The following MIDN variants were observed in gnomAD, a reference collection of about 807,000 sequenced individuals.
MIDN encodes midnolin, also known as midbrain nucleolar protein.
In MIDN, 26 loss-of-function variants were observed where a neutral mutation model predicts 46.1. The observed-to-expected ratio is 0.56, with a 90% CI of 0.41 to 0.78. MIDN has a LOEUF of 0.78. MIDN is among the 30% of genes least tolerant of loss of function. The pLI is 0.00. For missense variants in MIDN, 850 were observed against 771.8 expected, an observed-to-expected ratio of 1.10 and a Z score of -1.20; for synonymous variants, 432 against 343.3, an observed-to-expected ratio of 1.26 and a Z score of -2.86.
chr19:1,252,019 G>A (rs981437549), intron 4 of MIDN, 118 bp downstream of exon 4: 2 of 810,168 alleles, frequency 2.5e-6, no homozygotes, highest in Non-Finnish European at 4.0e-6. Context: ...GAGGGGACGC[G>A]CCACCCCGCC....
rs1392046200 is a variant in MIDN at position 1,248,649 on chromosome 19, CG to C, written c.-417del. The C allele has an allele frequency of 6.6e-6, 1 of 152,468 alleles. No individual in the cohort carries two copies. The highest frequency in any genetic ancestry group is 1.5e-5 in the Non-Finnish European group (1 of 68,264). The allele number at this position is 152,468 out of a possible 1,614,324, so 9.4% of individuals were successfully genotyped here. A position where few individuals can be genotyped will look rare whatever the true frequency, so the allele number is the denominator to read the frequency against. On this transcript the variant is annotated 5_prime_UTR_variant, in exon 1 of 9. Transcript: ENST00000682408. ...ACTCGCAGCACTTGGAGCGCAGAAC[CG>C]GCCGCGCCCGGTGAGTGTGGAGGGG...
chr19:1,252,889 AGCCAGG>A (rs760808762), intron 4 of MIDN, among the ~76,000 whole-genome samples: 1 of 151,544 alleles, frequency 6.6e-6, no homozygotes, highest in Non-Finnish European at 1.5e-5. Context: ...CGGGGTCCCG[AGCCAGG>A]GCGGGGGCTG....
At position 1,254,273 on chromosome 19, in the gene MIDN, A is replaced by T. The variant is rs770960950; in HGVS notation, c.620A>T (p.Gln207Leu). Reference protein sequence around the residue: ...LQLAAQHAPLQHRHVLAAAAA... With the variant: ...LQLAAQHAPLLHRHVLAAAAA... ...CTCGCGGCCCAGCACGCTCCACTGC[A>T]ACACCGCCATGTGCTGGCCGCTGCG... Residue 207 changes from glutamine (Q) to leucine (L), a missense_variant, in exon 6 of 9, where the codon CAA becomes CTA. Physicochemically the swap from Gln to Leu is moderately radical, Grantham distance 113. Coordinates refer to ENST00000682408, the MANE Select transcript of MIDN (RefSeq NM_001388306.1). 4 of 1,584,706 alleles carry T rather than the reference A, an allele frequency of 2.5e-6. No individual in the cohort carries two copies. Among genetic ancestry groups the T allele is most frequent in the Non-Finnish European group, 3.4e-6 (4 of 1,172,220 alleles).
intron 7 of MIDN, among the ~76,000 whole-genome samples, 172 bp downstream of exon 7, chr19:1,255,233 G>A (rs894548863): frequency 2.6e-5 from 4 of 152,058 alleles, no homozygotes; most frequent in African/African-American, 7.2e-5. Flanking sequence ...GGCCCTGCCC[G>A]GGGGGCCGCG....
Position 1,255,408 on chromosome 19 carries a change from A to C in MIDN, c.986-14A>C, listed in dbSNP as rs202133076. On this transcript the variant is annotated splice_polypyrimidine_tract_variant and intron_variant, in intron 7 of 8. Transcript: ENST00000682408. ...GTGCCCGTGCCGGGCACTCACGGCC[A>C]CCTCTGCCCGCAGGCACGCTACACC... The C allele has an allele frequency of 5.7e-6, 9 of 1,570,592 alleles. No individual in the cohort carries two copies. In the African/African-American group the frequency reaches 1.2e-4, roughly 21 times the overall value.
At position 1,251,502 on chromosome 19, in the gene MIDN, C is replaced by G. The variant is rs545731125; in HGVS notation, c.234-60C>G. The G allele has an allele frequency of 3.9e-6, 6 of 1,522,878 alleles. No homozygotes were observed. In the African/African-American group the frequency reaches 5.6e-5, roughly 14 times the overall value. The allele number at this position is 1,522,878 out of a possible 1,614,324, so 94.3% of individuals were successfully genotyped here. On this transcript the variant is annotated intron_variant, in intron 2 of 8. Coordinates refer to ENST00000682408, the MANE Select transcript of MIDN (RefSeq NM_001388306.1). The stretch of plus-strand genomic sequence containing the variant: ...CAAGCACAGCCCTCCCCCGCGGCCT[C>G]TGCTTCCGCGTCCCTGTGTCGTCTC...
At chr19:1,255,351 C>T (rs2081185832) in intron 7 of MIDN, 71 bp from the exon 8 acceptor site, 72 of 1,485,284 alleles carry the variant, frequency 4.8e-5, no homozygotes, top group Non-Finnish European at 5.6e-5. Context: ...TGAGCTCACA[C>T]CCGTGGACGC....
chr19:1,255,074 G>A lies in MIDN; in HGVS notation c.985+13G>A, dbSNP rs2081181647. 3.1e-6 allele frequency: 5 copies of A among 1,607,544 alleles called. No individual in the cohort carries two copies. The highest frequency in any genetic ancestry group is 1.6e-4 in the Middle Eastern group (1 of 6,064). ...GGGACCTTCTCTGGTAGGTGTCACA[G>A]CACATGTGTGAGCTCACGTGTGTCC... On this transcript the variant is annotated intron_variant, in intron 7 of 8. Transcript: ENST00000682408.
At chr19:1,255,357 GA>G in intron 7 of MIDN, 64 bp from the exon 8 acceptor site, 1 of 1,496,746 alleles carries the variant, frequency 6.7e-7, no homozygotes, top group Non-Finnish European at 8.9e-7. Context: ...CACACCCGTG[GA>G]CGCCCGTCCT....
chr19:1,251,059 G>A (rs1408640807), intron 2 of MIDN, among the ~76,000 whole-genome samples: 2 of 151,962 alleles, frequency 1.3e-5, no homozygotes, highest in Non-Finnish European at 2.9e-5. Flanking sequence ...CCCATCGGGG[G>A]AGGGGCGGAG....
chr19:1,251,442 G>A (rs1261911615), intron 2 of MIDN, 120 bp from the exon 3 acceptor site: 3 of 831,624 alleles, frequency 3.6e-6, no homozygotes, highest in Non-Finnish European at 3.7e-6. Context: ...AGCCGGGAAG[G>A]GGTGGGGGTG....
Position 1,255,068 on chromosome 19 carries a change from G to A in MIDN, c.985+7G>A, listed in dbSNP as rs376218573. 6.2e-7 allele frequency: 1 copy of A among 1,610,614 alleles called. No individual in the cohort carries two copies. Among genetic ancestry groups the A allele is most frequent in the Non-Finnish European group, 8.5e-7 (1 of 1,177,916 alleles). ...TTCTCAGGGACCTTCTCTGGTAGGTGTCACAGCACATGTGTGAGCTCACGT... is the reference window on the plus strand; with the variant it reads ...TTCTCAGGGACCTTCTCTGGTAGGTATCACAGCACATGTGTGAGCTCACGT... On this transcript the variant is annotated splice_region_variant and intron_variant, in intron 7 of 8. Transcript: ENST00000682408.
rs1271696761 is a variant in MIDN, at chr19:1,257,273, G to A, written c.*1G>A. ...CAAGTCAGAGTTCGTGGTGGCTTAG[G>A]ATCTTCGGATCGGCCACCCTCGCCC... On this transcript the variant is annotated 3_prime_UTR_variant, in exon 9 of 9. Coordinates refer to ENST00000682408, the MANE Select transcript of MIDN (RefSeq NM_001388306.1). The A allele has an allele frequency of 1.2e-6, 2 of 1,611,084 alleles. No homozygotes were observed. Among genetic ancestry groups the A allele is most frequent in the African/African-American group, 1.3e-5 (1 of 74,868 alleles).
intron 7 of MIDN, 73 bp from the exon 8 acceptor site, chr19:1,255,349 C>T (rs1157035797): frequency 6.8e-7 from 1 of 1,480,764 alleles, no homozygotes; most frequent in African/African-American, 1.4e-5. Flanking sequence ...CATGAGCTCA[C>T]ACCCGTGGAC....
intron 1 of MIDN, among the ~76,000 whole-genome samples, 187 bp from the exon 2 acceptor site, chr19:1,249,703 C>T (rs2081098971): frequency 6.7e-6 from 1 of 148,616 alleles, no homozygotes; most frequent in East Asian, 2.0e-4. Context: ...GCGGGCCCGG[C>T]TGCCACGTGG....
intron 3 of MIDN, 61 bp downstream of exon 3, chr19:1,251,710 C>G (rs1435332911): frequency 6.5e-7 from 1 of 1,542,818 alleles, no homozygotes; most frequent in East Asian, 2.3e-5. Context: ...TAGCCCCTCC[C>G]TCGGTACCTG....
chr19:1,255,808 A>T, intron 8 of MIDN, 114 bp downstream of exon 8: 1 of 1,032,780 alleles, frequency 9.7e-7, no homozygotes, highest in Non-Finnish European at 1.4e-6. Flanking sequence ...GCTGGGGGGG[A>T]TGGCAGCTGC....
At chr19:1,251,242 G>GACT in intron 2 of MIDN, 2 of 341,686 alleles carry the variant, frequency 5.9e-6, no homozygotes, top group South Asian at 3.5e-5. Context: ...GCTGCCCTGG[G>GACT]GTCGTGGGGG....
rs1302915712 is a variant in MIDN at position 1,257,864 on chromosome 19, G to A, written c.*592G>A. On this transcript the variant is annotated 3_prime_UTR_variant, in exon 9 of 9. Coordinates refer to ENST00000682408, the MANE Select transcript of MIDN (RefSeq NM_001388306.1). ...CAACAGGTCACAGAAGCCAACGAGG[G>A]GACTGTTTCTCTTCCACTCCTATCC... The A allele has an allele frequency of 6.6e-6, 1 of 152,586 alleles. No individual in the cohort carries two copies. Among genetic ancestry groups the A allele is most frequent in the Non-Finnish European group, 1.5e-5 (1 of 68,188 alleles). The allele number at this position is 152,586 out of a possible 1,614,324, so 9.5% of individuals were successfully genotyped here. A position where few individuals can be genotyped will look rare whatever the true frequency, so the allele number is the denominator to read the frequency against.
Sources: allele counts gnomAD v4.1 joint callset (sites outside exome capture counted in the v4.1 genomes callset), GRCh38; gene constraint gnomAD v4.1.1; transcripts MANE v1.5; gene names NCBI Gene and HGNC (gene_info 2026-07-23, HGNC 2026-07-21).